ANKFN1: variants seen among roughly 807,000 people sequenced by gnomAD.
ANKFN1 encodes ankyrin repeat and fibronectin type-III domain-containing protein 1.
In ANKFN1, 74 loss-of-function variants were observed where a neutral mutation model predicts 108.7. That is an observed-to-expected ratio of 0.68 (90% confidence interval 0.56 to 0.83). The LOEUF (loss-of-function observed/expected upper bound fraction) is 0.83, where lower values mean the gene tolerates loss of function less well. Ranked by LOEUF, ANKFN1 falls within the 40% of genes least tolerant of loss-of-function variation. The probability of loss-of-function intolerance (pLI) is 0.00; values close to 1 mark genes in which losing one functional copy is unlikely to be tolerated. For missense variants in ANKFN1, 1,505 were observed against 1,382.3 expected, an observed-to-expected ratio of 1.09 and a Z score of -1.41; for synonymous variants, 547 against 516.2, an observed-to-expected ratio of 1.06 and a Z score of -0.81.
At chr17:56,360,214 TCAC>T (rs970598151) in intron 6 of ANKFN1, among the ~76,000 whole-genome samples, 2 of 152,318 alleles carry the variant, frequency 1.3e-5, no homozygotes, top group African/African-American at 4.8e-5. Flanking sequence ...TGTGCACTCC[TCAC>T]CCACACCACC....
At chr17:56,190,914 A>G (rs1272281180) in intron 1 of ANKFN1, among the ~76,000 whole-genome samples, 6 of 34,474 alleles carry the variant, frequency 1.7e-4, no homozygotes, top group Non-Finnish European at 2.2e-4. Context: ...GGGTGCATAT[A>G]TATTTAGGAT....
intron 4 of ANKFN1, among the ~76,000 whole-genome samples, chr17:56,069,218 T>G (rs968511644): frequency 2.0e-5 from 3 of 152,148 alleles, no homozygotes; most frequent in African/African-American, 7.2e-5. Flanking sequence ...ATAATAAAAC[T>G]TTTTCCTGGC....
chr17:56,385,936 A>G (rs1219916218), intron 8 of ANKFN1, among the ~76,000 whole-genome samples: 1 of 152,170 alleles, frequency 6.6e-6, no homozygotes, highest in African/African-American at 2.4e-5. Flanking sequence ...ATCTAGAACT[A>G]GAAATGCCAT....
Position 56,511,087 on chromosome 17 carries a change from G to T in ANKFN1, c.3259G>T (p.Val1087Phe), listed in dbSNP as rs1186957035. 1 of 1,535,956 alleles carries T rather than the reference G, an allele frequency of 6.5e-7. No individual in the cohort carries two copies. The change falls in exon 21 of 21, where the codon GTC becomes TTC. Residue 1087 changes from valine to phenylalanine, a missense_variant. Coordinates refer to ENST00000682825, the MANE Select transcript of ANKFN1 (RefSeq NM_001370326.1). ...CAGTCTCCAGGACGCGAGGCCTTCC[G>T]TCCGCCGCCTCTACGTGGAGCCCTA... is the stretch of plus-strand genomic sequence containing the variant. Reference protein sequence around the residue: ...NSSLQDARPSVRRLYVEPYAA... With the variant: ...NSSLQDARPSFRRLYVEPYAA...
At chr17:56,457,760 A>G (rs2049759024) in intron 13 of ANKFN1, 103 bp from the exon 14 acceptor site, 4 of 831,704 alleles carry the variant, frequency 4.8e-6, no homozygotes, top group Non-Finnish European at 7.9e-6. Context: ...CTGGAGAATA[A>G]ACATCAGGGG....
intron 8 of ANKFN1, among the ~76,000 whole-genome samples, chr17:56,385,437 C>A (rs1420246054): frequency 6.6e-5 from 10 of 152,204 alleles, no homozygotes; most frequent in Middle Eastern, 6.8e-3. Context: ...AAAACACCAA[C>A]AGCAATGGCA....
Position 56,113,654 on chromosome 17 carries a change from T to C in ANKFN1, c.288+67329T>C, listed in dbSNP as rs1335607249. 2.6e-5 allele frequency among the ~76,000 whole-genome samples: 4 copies of C among 152,216 alleles called. No homozygotes were observed. In the South Asian group the frequency reaches 6.2e-4, roughly 24 times the overall value. On this transcript the variant is annotated intron_variant, in intron 4 of 12. Transcript: ENST00000635860. ...AGGACTATTGTAATGAGGCAGTGCA[T>C]GTGTAATCTTTGGCACGGTGCCTGG...
At chr17:56,363,127 G>T (rs1056892460) in intron 6 of ANKFN1, among the ~76,000 whole-genome samples, 1 of 152,100 alleles carries the variant, frequency 6.6e-6, no homozygotes. Context: ...GGGAGGCTGA[G>T]GCAGGAGAAT....
intron 4 of ANKFN1, among the ~76,000 whole-genome samples, chr17:56,147,717 T>C (rs1320296490): frequency 6.6e-6 from 1 of 152,214 alleles, no homozygotes; most frequent in African/African-American, 2.4e-5. Context: ...ACTGTACTTT[T>C]CATTTTTCAA....
At chr17:56,130,847 C>T (rs1159752241) in intron 4 of ANKFN1, among the ~76,000 whole-genome samples, 2 of 152,022 alleles carry the variant, frequency 1.3e-5, no homozygotes, top group Admixed American at 1.3e-4. Context: ...CAAAAGACTG[C>T]TTTTCTGTAT....
intron 3 of ANKFN1, among the ~76,000 whole-genome samples, chr17:56,325,516 A>G (rs973193638): frequency 2.6e-5 from 4 of 152,216 alleles, no homozygotes; most frequent in Non-Finnish European, 4.4e-5. Flanking sequence ...TAGAAGCAGC[A>G]CTGGAATCTT....
At chr17:56,245,999 A>G (rs1267678050) in intron 3 of ANKFN1, among the ~76,000 whole-genome samples, 3 of 152,188 alleles carry the variant, frequency 2.0e-5, no homozygotes, top group East Asian at 1.9e-4. Flanking sequence ...GGTCCTGCCT[A>G]TCAGAAGATA....
At chr17:56,288,963 A>G (rs2044291048) in intron 3 of ANKFN1, among the ~76,000 whole-genome samples, 1 of 152,234 alleles carries the variant, frequency 6.6e-6, no homozygotes, top group African/African-American at 2.4e-5. Context: ...TCTCCAGTCC[A>G]GGTAGCTTCA....
intron 8 of ANKFN1, among the ~76,000 whole-genome samples, chr17:56,380,782 G>A (rs1297407444): frequency 2.0e-5 from 3 of 152,246 alleles, no homozygotes; most frequent in East Asian, 1.9e-4. Context: ...AAGCAGCCGG[G>A]AAGTTCGAAC....
chr17:56,424,110 T>C (rs1286886564), intron 8 of ANKFN1, among the ~76,000 whole-genome samples: 3 of 152,228 alleles, frequency 2.0e-5, no homozygotes, highest in Non-Finnish European at 4.4e-5. Flanking sequence ...TACAGATTTT[T>C]CTGGAGTCCC....
intron 4 of ANKFN1, among the ~76,000 whole-genome samples, chr17:56,074,372 A>G (rs1385523202): frequency 1.3e-5 from 2 of 152,200 alleles, no homozygotes; most frequent in African/African-American, 4.8e-5. Context: ...GAACTGCCAC[A>G]TGGAGCGAGA....
chr17:56,170,862 C>T (rs1910635499), intron 1 of ANKFN1, among the ~76,000 whole-genome samples: 1 of 127,136 alleles, frequency 7.9e-6, no homozygotes, highest in African/African-American at 2.8e-5. Context: ...ATGTATAGTC[C>T]CCATATTTAT....
rs76965887 is a variant in ANKFN1, at chr17:56,213,131, CTT to C, written c.12+454_12+455del. 3.9e-4 allele frequency among the ~76,000 whole-genome samples: 59 copies of C among 152,286 alleles called. 2 individuals carry two copies. In the East Asian group the frequency reaches 0.011, roughly 29 times the overall value. ...TTGATAGCCAGGGAGTATCCAGTAA[CTT>C]TAACATACAGAGCAGCTGGGACGCT... On this transcript the variant is annotated intron_variant, in intron 2 of 20. Coordinates refer to ENST00000682825, the MANE Select transcript of ANKFN1 (RefSeq NM_001370326.1).
intron 3 of ANKFN1, among the ~76,000 whole-genome samples, chr17:56,297,082 GA>G (rs1338495873): frequency 6.6e-6 from 1 of 152,214 alleles, no homozygotes; most frequent in African/African-American, 2.4e-5. Context: ...ATGAGAAAGA[GA>G]GTCACTGATT....
Sources: gnomAD v4.1 joint callset for allele counts (sites outside exome capture counted in the v4.1 genomes callset) on GRCh38, gnomAD v4.1.1 for gene constraint, MANE v1.5 for transcripts, NCBI Gene and HGNC (gene_info 2026-07-23, HGNC 2026-07-21) for gene names.